The following CSMD1 variants were observed in gnomAD, a reference collection of about 807,000 sequenced individuals.
CSMD1 encodes CUB and Sushi multiple domains 1.
CSMD1 carries 213 observed loss-of-function variants against 417.5 expected under a neutral mutation model. The observed-to-expected ratio is 0.51, with a 90% CI of 0.46 to 0.57. The LOEUF (loss-of-function observed/expected upper bound fraction) is 0.57, where lower values mean the gene tolerates loss of function less well. Ranked by LOEUF, CSMD1 falls within the 20% of genes least tolerant of loss-of-function variation. The pLI is 0.00. For missense variants in CSMD1, 6,923 were observed against 4,529.7 expected, an observed-to-expected ratio of 1.53 and a Z score of -15.17; for synonymous variants, 2,862 against 1,736.8, an observed-to-expected ratio of 1.65 and a Z score of -16.11.
At chr8:3,656,473 T>C (rs1041981893) in intron 7 of CSMD1, among the ~76,000 whole-genome samples, 2 of 152,184 alleles carry the variant, frequency 1.3e-5, no homozygotes, top group African/African-American at 4.8e-5. Flanking sequence ...TGGACAGAAA[T>C]CTGCATCTGA....
At chr8:4,699,333 T>A (rs528515007) in intron 1 of CSMD1, among the ~76,000 whole-genome samples, 4 of 152,318 alleles carry the variant, frequency 2.6e-5, no homozygotes, top group African/African-American at 9.6e-5. Context: ...TAATACTGCA[T>A]AAGAAAATTG....
intron 7 of CSMD1, among the ~76,000 whole-genome samples, chr8:3,692,479 T>A (rs547700989): frequency 6.6e-6 from 1 of 151,014 alleles, no homozygotes; most frequent in African/African-American, 2.5e-5. Context: ...TCTCCCTCTG[T>A]CACCCAGGCT....
chr8:4,228,397 T>C (rs1177388003), intron 3 of CSMD1, among the ~76,000 whole-genome samples: 2 of 152,126 alleles, frequency 1.3e-5, no homozygotes, highest in Admixed American at 6.5e-5. Flanking sequence ...AGGTTATCTA[T>C]GCCCCATATT....
At chr8:4,353,255 G>T (rs117784699) in intron 3 of CSMD1, among the ~76,000 whole-genome samples, 1 of 152,092 alleles carries the variant, frequency 6.6e-6, no homozygotes. Flanking sequence ...TCTTCTGGTA[G>T]TAAGTCTCAG....
intron 5 of CSMD1, among the ~76,000 whole-genome samples, chr8:3,871,579 T>G (rs1373120988): frequency 6.6e-6 from 1 of 152,216 alleles, no homozygotes; most frequent in African/African-American, 2.4e-5. Flanking sequence ...TTCATAATTT[T>G]TATATATTAG....
intron 7 of CSMD1, among the ~76,000 whole-genome samples, chr8:3,695,096 G>GTGTGTGTGTGTGTGTGTC (rs1268015659): frequency 1.3e-5 from 2 of 151,416 alleles, no homozygotes; most frequent in East Asian, 3.9e-4. Context: ...GCGTGTGTGT[G>GTGTGTGTGTGTGTGTGTC]TGTGTGTGTG....
intron 50 of CSMD1, among the ~76,000 whole-genome samples, chr8:3,042,029 C>G (rs543650098): frequency 6.6e-6 from 1 of 152,176 alleles, no homozygotes; most frequent in Admixed American, 6.5e-5. Context: ...TTTGTGCGGG[C>G]TCCCATGCCA....
At chr8:3,988,096 T>C (rs1160123600) in intron 5 of CSMD1, among the ~76,000 whole-genome samples, 2 of 152,116 alleles carry the variant, frequency 1.3e-5, no homozygotes, top group African/African-American at 4.8e-5. Flanking sequence ...ATATTGTGAT[T>C]TTTTTATACC....
At chr8:4,478,072 T>A (rs1235882247) in intron 2 of CSMD1, among the ~76,000 whole-genome samples, 1 of 152,156 alleles carries the variant, frequency 6.6e-6, no homozygotes. Context: ...AAAACTGATT[T>A]TAACCTGTTT....
intron 1 of CSMD1, among the ~76,000 whole-genome samples, chr8:4,794,507 C>A (rs1206629930): frequency 6.6e-6 from 1 of 152,042 alleles, no homozygotes; most frequent in Non-Finnish European, 1.5e-5. Context: ...TGTTCTGTCC[C>A]CTGCTCTCCT....
At chr8:3,432,206 G>C (rs1490064430) in intron 12 of CSMD1, among the ~76,000 whole-genome samples, 2 of 152,104 alleles carry the variant, frequency 1.3e-5, no homozygotes, top group Non-Finnish European at 2.9e-5. Context: ...GGCATGGGTA[G>C]AGAACTGAAT....
intron 5 of CSMD1, among the ~76,000 whole-genome samples, chr8:3,760,406 G>C (rs962322781): frequency 1.3e-5 from 2 of 152,088 alleles, no homozygotes; most frequent in Non-Finnish European, 2.9e-5. Context: ...CAGTTACGAC[G>C]ACCTCCTTTG....
chr8:4,742,345 G>C (rs1012198148), intron 1 of CSMD1, among the ~76,000 whole-genome samples: 4 of 151,772 alleles, frequency 2.6e-5, no homozygotes, highest in African/African-American at 7.3e-5. Flanking sequence ...TGAATTTTGA[G>C]AAGCACATCT....
chr8:3,830,105 C>G (rs1255529593), intron 5 of CSMD1, among the ~76,000 whole-genome samples: 1 of 152,146 alleles, frequency 6.6e-6, no homozygotes, highest in Non-Finnish European at 1.5e-5. Flanking sequence ...TTTCTTGACC[C>G]TAAAGTGAAG....
intron 1 of CSMD1, among the ~76,000 whole-genome samples, chr8:4,783,788 G>A (rs1008484663): frequency 6.6e-6 from 1 of 152,162 alleles, no homozygotes; most frequent in East Asian, 1.9e-4. Flanking sequence ...ATTTGTAACT[G>A]TGGAGGCTTT....
At chr8:4,991,308 A>G (rs1246437957) in intron 1 of CSMD1, among the ~76,000 whole-genome samples, 1 of 152,178 alleles carries the variant, frequency 6.6e-6, no homozygotes, top group Non-Finnish European at 1.5e-5. Context: ...AACCTTTACA[A>G]TGCCATTAAT....
intron 3 of CSMD1, among the ~76,000 whole-genome samples, chr8:4,284,924 C>A (rs1796980163): frequency 6.6e-6 from 1 of 152,150 alleles, no homozygotes; most frequent in East Asian, 1.9e-4. Flanking sequence ...TCAGGATGCA[C>A]CAGTTAATTA....
rs549870033 is a variant in CSMD1, at chr8:3,927,321, A to T, written c.818+70582T>A. Reference sequence around the variant, plus strand: ...ACAGCATGAAAATTATTCTGACTTTATAAGAACTTTATGAGTATTCAATGG... The same window carrying T: ...ACAGCATGAAAATTATTCTGACTTTTTAAGAACTTTATGAGTATTCAATGG... On this transcript the variant is annotated intron_variant, in intron 5 of 69. Coordinates refer to ENST00000635120, the MANE Select transcript of CSMD1 (RefSeq NM_033225.6). Among the ~76,000 whole-genome samples, 24 of 152,092 alleles carry T rather than the reference A, an allele frequency of 1.6e-4. No homozygotes were observed. The South Asian group carries it at 4.6e-3, about 29-fold the overall frequency.
At chr8:4,178,108 C>G (rs1053919139) in intron 3 of CSMD1, among the ~76,000 whole-genome samples, 4 of 152,270 alleles carry the variant, frequency 2.6e-5, no homozygotes, top group South Asian at 4.1e-4. Flanking sequence ...GATACCAAAG[C>G]CTGGCAGAGA....
Sources: gnomAD v4.1 joint callset for allele counts (sites outside exome capture counted in the v4.1 genomes callset) on GRCh38, gnomAD v4.1.1 for gene constraint, MANE v1.5 for transcripts, NCBI Gene and HGNC (gene_info 2026-07-23, HGNC 2026-07-21) for gene names.